PKIB: variants seen among roughly 807,000 people sequenced by gnomAD.
PKIB encodes PKI-beta.
In PKIB, 2 loss-of-function variants were observed where a neutral mutation model predicts 4.5. The observed-to-expected ratio is 0.44, with a 90% confidence interval of 0.18 to 1.39. The LOEUF is 1.39. Among genes scored for constraint, PKIB ranks in the 40% most tolerant of loss-of-function variants. PKIB has a pLI of 0.27. For missense variants in PKIB, 94 were observed against 92.6 expected (o/e 1.02, Z -0.06); for synonymous variants, 38 against 36.0 (o/e 1.06, Z -0.20).
At chr6:122,544,352 C>A (rs1772416910) in intron 2 of PKIB, among the ~76,000 whole-genome samples, 1 of 143,722 alleles carries the variant, frequency 7.0e-6, no homozygotes, top group South Asian at 2.3e-4. Flanking sequence ...TATACTTAAC[C>A]CTAAATAAAA....
intron 2 of PKIB, among the ~76,000 whole-genome samples, chr6:122,640,460 C>T (rs1217048655): frequency 6.6e-6 from 1 of 152,126 alleles, no homozygotes; most frequent in East Asian, 1.9e-4. Context: ...TTCTAAGAGA[C>T]CTGTACTGTC....
chr6:122,622,131 G>A (rs1468894664), intron 1 of PKIB, among the ~76,000 whole-genome samples: 6 of 152,168 alleles, frequency 3.9e-5, no homozygotes, highest in African/African-American at 9.7e-5. Context: ...ACTTAAACAC[G>A]AGTTATGTGT....
chr6:122,682,753 T>C (rs1203253831), intron 3 of PKIB, among the ~76,000 whole-genome samples: 2 of 152,148 alleles, frequency 1.3e-5, no homozygotes, highest in Non-Finnish European at 1.5e-5. Flanking sequence ...CAAAGCTTCT[T>C]GAGCCTGCTA....
At chr6:122,638,123 G>T (rs561162637) in intron 2 of PKIB, among the ~76,000 whole-genome samples, 1 of 152,186 alleles carries the variant, frequency 6.6e-6, no homozygotes, top group African/African-American at 2.4e-5. Flanking sequence ...CCTGTTTTAT[G>T]GAAGTTGATG....
intron 2 of PKIB, among the ~76,000 whole-genome samples, chr6:122,550,216 C>T (rs549317856): frequency 6.6e-6 from 1 of 152,190 alleles, no homozygotes; most frequent in Admixed American, 6.5e-5. Flanking sequence ...CACCTGGACT[C>T]TATTGACTTT....
chr6:122,676,723 G>A (rs1777688907), intron 3 of PKIB, among the ~76,000 whole-genome samples: 1 of 152,150 alleles, frequency 6.6e-6, no homozygotes, highest in South Asian at 2.1e-4. Flanking sequence ...AACAGGAACT[G>A]AGATATATTT....
At chr6:122,703,886 C>T (rs1289898361) in intron 3 of PKIB, among the ~76,000 whole-genome samples, 1 of 148,790 alleles carries the variant, frequency 6.7e-6, no homozygotes, top group Non-Finnish European at 1.5e-5. Flanking sequence ...CAAAAATGCT[C>T]GCTCTCTATA....
chr6:122,705,787 G>T (rs779148555), intron 3 of PKIB, among the ~76,000 whole-genome samples: 1 of 151,926 alleles, frequency 6.6e-6, no homozygotes, highest in African/African-American at 2.4e-5. Context: ...GGATGGTCTC[G>T]ATCTCCTGAC....
intron 1 of PKIB, among the ~76,000 whole-genome samples, chr6:122,473,179 C>T (rs1461977132): frequency 1.3e-5 from 2 of 152,102 alleles, no homozygotes; most frequent in Non-Finnish European, 2.9e-5. Flanking sequence ...AAACTTAATA[C>T]GTTATTTATG....
chr6:122,535,447 C>A (rs1777376496), intron 2 of PKIB, among the ~76,000 whole-genome samples: 1 of 152,082 alleles, frequency 6.6e-6, no homozygotes, highest in Non-Finnish European at 1.5e-5. Flanking sequence ...ACACATTTGT[C>A]TGGTTATGTA....
intron 2 of PKIB, among the ~76,000 whole-genome samples, chr6:122,660,356 A>G (rs1211272417): frequency 6.6e-6 from 1 of 152,212 alleles, no homozygotes; most frequent in Non-Finnish European, 1.5e-5. Flanking sequence ...TCAGAGACCA[A>G]GGCATGTAGG....
intron 1 of PKIB, among the ~76,000 whole-genome samples, chr6:122,627,070 T>TAAAAA (rs60344840): frequency 1.8e-5 from 2 of 108,354 alleles, no homozygotes; most frequent in Admixed American, 1.9e-4. Flanking sequence ...CCGTCTCTAC[T>TAAAAA]AAAAAAAAAA....
At chr6:122,531,600 T>G (rs923175855) in intron 2 of PKIB, among the ~76,000 whole-genome samples, 3 of 152,188 alleles carry the variant, frequency 2.0e-5, no homozygotes, top group African/African-American at 7.2e-5. Context: ...CTATGCTGCC[T>G]TCTCCTGGTT....
At chr6:122,563,333 G>A (rs35340067) in intron 2 of PKIB, among the ~76,000 whole-genome samples, 1 of 152,144 alleles carries the variant, frequency 6.6e-6, no homozygotes, top group Non-Finnish European at 1.5e-5. Flanking sequence ...GGGTCTCTCA[G>A]CTGTGTGTCT....
chr6:122,493,443 A>T (rs1775991753), intron 2 of PKIB: 1 of 152,232 alleles, frequency 6.6e-6, no homozygotes, highest in Admixed American at 6.5e-5. Flanking sequence ...ACAATTTATG[A>T]TATGTTGTTA....
At chr6:122,520,661 T>TCCCCCCCCCCC (rs543467489) in intron 2 of PKIB, among the ~76,000 whole-genome samples, 1 of 55,546 alleles carries the variant, frequency 1.8e-5, no homozygotes, top group Non-Finnish European at 3.8e-5. Flanking sequence ...AAGTTTATGT[T>TCCCCCCCCCCC]CCCACCCCCC....
At chr6:122,667,091 T>G in intron 2 of PKIB, among the ~76,000 whole-genome samples, 1 of 152,258 alleles carries the variant, frequency 6.6e-6, no homozygotes, top group African/African-American at 2.4e-5. Flanking sequence ...ATAGTTTTCA[T>G]TGGCCTTCTT....
intron 2 of PKIB, among the ~76,000 whole-genome samples, chr6:122,549,851 CATATAT>C (rs999473022): frequency 6.8e-6 from 1 of 147,366 alleles, no homozygotes; most frequent in Non-Finnish European, 1.5e-5. Context: ...TATATATACA[CATATAT>C]GTATATGTAT....
chr6:122,613,760 T>G (rs1430714207), intron 1 of PKIB, among the ~76,000 whole-genome samples: 1 of 151,640 alleles, frequency 6.6e-6, no homozygotes, highest in Non-Finnish European at 1.5e-5. Flanking sequence ...GGTCAAGAGG[T>G]AGAGACCATC....
Sources: gnomAD v4.1 joint callset for allele counts (sites outside exome capture counted in the v4.1 genomes callset) on GRCh38, gnomAD v4.1.1 for gene constraint, MANE v1.5 for transcripts, NCBI Gene and HGNC (gene_info 2026-07-23, HGNC 2026-07-21) for gene names.